Variants in SLC30A9 observed in about 807,000 individuals in gnomAD.
SLC30A9 encodes solute carrier family 30 member 9, also known as proton-coupled zinc antiporter SLC30A9, mitochondrial.
A neutral mutation model predicts 87.5 loss-of-function variants in SLC30A9; 58 were observed. The ratio of observed to expected loss-of-function variants is 0.66; its 90% CI spans 0.54 to 0.82. The LOEUF (loss-of-function observed/expected upper bound fraction) is 0.82. SLC30A9 is among the 40% of genes least tolerant of loss of function. The pLI is 0.00. For synonymous variants in SLC30A9, 234 were observed against 233.0 expected (o/e 1.00, Z -0.04); for missense variants, 557 against 679.1 (o/e 0.82, Z 2.00).
chr4:42,061,296 C>T (rs1363923683), intron 10 of SLC30A9, among the ~76,000 whole-genome samples: 1 of 152,142 alleles, frequency 6.6e-6, no homozygotes, highest in Non-Finnish European at 1.5e-5. Context: ...AGATTTTAAA[C>T]TATATTTAGT....
chr4:42,001,674 A>G lies in SLC30A9; in HGVS notation c.168A>G (p.Pro56=), dbSNP rs753666612. The part of the protein sequence containing the change: ...SFSNMVPCSH[P]YIGTLSQVKL... Reference sequence around the variant, plus strand: ...CAAACATGGTTCCCTGTAGTCATCCATATATTGGTACCCTGAGTCAAGTAA... The same window carrying G: ...CAAACATGGTTCCCTGTAGTCATCCGTATATTGGTACCCTGAGTCAAGTAA... Residue 56 remains proline (P), a synonymous_variant, in exon 2 of 18, where the codon CCA becomes CCG. Transcript: ENST00000264451. The G allele has an allele frequency of 1.9e-6, 3 of 1,608,530 alleles. No homozygotes were observed. In the South Asian group the frequency reaches 3.3e-5, roughly 18 times the overall value.
intron 9 of SLC30A9, 114 bp from the exon 10 acceptor site, chr4:42,060,077 C>T: frequency 1.3e-6 from 1 of 760,964 alleles, no homozygotes; most frequent in East Asian, 2.5e-5. Context: ...ATTGGACATG[C>T]ATATGTTGAG....
intron 7 of SLC30A9, among the ~76,000 whole-genome samples, chr4:42,037,284 A>T (rs1286056625): frequency 1.2e-5 from 1 of 86,574 alleles, no homozygotes; most frequent in Non-Finnish European, 2.2e-5. Context: ...GTTATTTCTG[A>T]CCCAGACACT....
At chr4:41,998,700 G>A (rs1577676313) in intron 1 of SLC30A9, among the ~76,000 whole-genome samples, 1 of 151,974 alleles carries the variant, frequency 6.6e-6, no homozygotes, top group African/African-American at 2.4e-5. Context: ...TCCTGACCTC[G>A]TGACCTGCCC....
chr4:42,020,487 G>A lies in SLC30A9; in HGVS notation c.406G>A (p.Ala136Thr), dbSNP rs747262718. The change falls in exon 4 of 18, where the codon GCG (alanine) becomes ACG (threonine). Residue 136 changes from alanine to threonine, a missense_variant. By Grantham distance (58) the Ala-to-Thr change is moderately conservative. Coordinates refer to ENST00000264451, the MANE Select transcript of SLC30A9 (RefSeq NM_006345.4). The stretch of plus-strand genomic sequence containing the variant: ...GAATAATTTCATCACTGGAGTCAGA[G>A]CGATAAATGAGTTCTGCCTCAAATC... ...TQNNFITGVR[A>T]INEFCLKSSD... is the part of the protein sequence containing the mutation. 3.8e-6 allele frequency: 6 copies of A among 1,598,894 alleles called. No individual in the cohort carries two copies. The highest frequency in any genetic ancestry group is 5.1e-6 in the Non-Finnish European group (6 of 1,168,394).
At chr4:42,043,945 C>T (rs1396205381) in intron 8 of SLC30A9, among the ~76,000 whole-genome samples, 1 of 152,078 alleles carries the variant, frequency 6.6e-6, no homozygotes, top group Non-Finnish European at 1.5e-5. Flanking sequence ...ATTTTTAACC[C>T]AGAATTTCAT....
chr4:42,075,537 T>C, intron 15 of SLC30A9, 120 bp from the exon 16 acceptor site: 1 of 857,166 alleles, frequency 1.2e-6, no homozygotes, highest in Non-Finnish European at 1.8e-6. Context: ...TCTGAAGCCA[T>C]CTTAGTCCAT....
intron 1 of SLC30A9, among the ~76,000 whole-genome samples, chr4:41,993,205 CTATTT>C (rs1278668896): frequency 6.7e-6 from 1 of 150,286 alleles, no homozygotes; most frequent in Non-Finnish European, 1.5e-5. Context: ...AAATTTAATA[CTATTT>C]TATTAAGTAT....
Position 42,010,162 on chromosome 4 carries a change from A to G in SLC30A9, c.275-7949A>G, listed in dbSNP as rs529244573. On this transcript the variant is annotated intron_variant, in intron 2 of 17. Transcript: ENST00000264451. ...TAAAGCCTTTTTAGATTTTCTGTAC[A>G]TGCTTTAGGTATCAAAACGTACTGT... 3.9e-5 allele frequency among the ~76,000 whole-genome samples: 6 copies of G among 152,320 alleles called. No individual in the cohort carries two copies. In the South Asian group the frequency reaches 6.2e-4, roughly 16 times the overall value.
Position 42,018,127 on chromosome 4 carries a change from A to G in SLC30A9, c.291A>G (p.Thr97=). 1 of 1,559,346 alleles carries G rather than the reference A, an allele frequency of 6.4e-7. No homozygotes were observed. The highest frequency in any genetic ancestry group is 1.1e-5 in the South Asian group (1 of 88,760). Reference sequence around the variant, plus strand: ...ACTTTACAGCAGAAGGTATAGGCACAGAACTCAAAGCTCCACTTAAGCAAG... The same window carrying G: ...ACTTTACAGCAGAAGGTATAGGCACGGAACTCAAAGCTCCACTTAAGCAAG... The part of the protein sequence containing the change: ...PSFETAEGIG[T]ELKAPLKQEP... Residue 97 remains threonine, a synonymous_variant, in exon 3 of 18, where the codon ACA becomes ACG. Coordinates refer to ENST00000264451, the MANE Select transcript of SLC30A9 (RefSeq NM_006345.4).
At chr4:41,995,054 T>G (rs1449308256) in intron 1 of SLC30A9, among the ~76,000 whole-genome samples, 1 of 151,164 alleles carries the variant, frequency 6.6e-6, no homozygotes, top group Admixed American at 6.6e-5. Context: ...GGTCAGGAGT[T>G]CTAGACCAGC....
At chr4:42,023,847 G>A (rs891853334) in intron 6 of SLC30A9, among the ~76,000 whole-genome samples, 4 of 152,108 alleles carry the variant, frequency 2.6e-5, no homozygotes, top group African/African-American at 4.8e-5. Flanking sequence ...GGAAGCAGGC[G>A]CATCTTAACA....
At chr4:42,026,714 T>A (rs1369090445) in intron 6 of SLC30A9, among the ~76,000 whole-genome samples, 1 of 75,700 alleles carries the variant, frequency 1.3e-5, no homozygotes, top group African/African-American at 2.8e-5. Context: ...AGTTTGTTCC[T>A]TTTTTTTTTT....
chr4:42,076,550 C>A (rs536994487), intron 16 of SLC30A9, among the ~76,000 whole-genome samples: 1 of 151,978 alleles, frequency 6.6e-6, no homozygotes, highest in Admixed American at 6.6e-5. Context: ...TAGATTCTTC[C>A]GTGTTAATTT....
chr4:42,034,438 C>G (rs1716593713), intron 6 of SLC30A9, among the ~76,000 whole-genome samples: 1 of 84,422 alleles, frequency 1.2e-5, no homozygotes, highest in South Asian at 5.3e-4. Context: ...CCCTGCCACC[C>G]CCCGGTCCCT....
intron 8 of SLC30A9, among the ~76,000 whole-genome samples, chr4:42,042,817 A>G (rs1716978585): frequency 6.6e-6 from 1 of 152,118 alleles, no homozygotes; most frequent in East Asian, 1.9e-4. Flanking sequence ...GACACCTCAT[A>G]CAGGAGAGCT....
intron 9 of SLC30A9, among the ~76,000 whole-genome samples, chr4:42,052,686 G>A (rs1325127290): frequency 6.6e-6 from 1 of 152,148 alleles, no homozygotes; most frequent in Non-Finnish European, 1.5e-5. Context: ...GGATCCATAT[G>A]GGGAGAAAAA....
chr4:42,071,981 A>T (rs1435003738), intron 15 of SLC30A9, among the ~76,000 whole-genome samples: 1 of 85,256 alleles, frequency 1.2e-5, no homozygotes, highest in African/African-American at 2.5e-5. Context: ...ATCTGTTCAG[A>T]TTGTCTGTTT....
chr4:42,064,516 A>G (rs571313737), intron 11 of SLC30A9, among the ~76,000 whole-genome samples: 1 of 152,322 alleles, frequency 6.6e-6, no homozygotes, highest in South Asian at 2.1e-4. Context: ...ACCATAATAC[A>G]TTTCATATAA....
Sources: allele counts gnomAD v4.1 joint callset (sites outside exome capture counted in the v4.1 genomes callset), GRCh38; gene constraint gnomAD v4.1.1; transcripts MANE v1.5; gene names NCBI Gene and HGNC (gene_info 2026-07-23, HGNC 2026-07-21).